Variants in TRPC4AP observed in about 807,000 individuals in gnomAD.
TRPC4AP encodes short transient receptor potential channel 4-associated protein.
A neutral mutation model predicts 99.0 loss-of-function variants in TRPC4AP; 45 were observed. The ratio of observed to expected loss-of-function variants is 0.45; its 90% CI spans 0.36 to 0.58. TRPC4AP has a LOEUF of 0.58. Ranked by LOEUF, TRPC4AP falls within the 20% of genes least tolerant of loss-of-function variation. TRPC4AP has a pLI of 0.00. For synonymous variants in TRPC4AP, 408 were observed against 385.8 expected (o/e 1.06, Z -0.67); for missense variants, 879 against 985.3 (o/e 0.89, Z 1.44).
At chr20:35,024,825 C>CCAAAAAAAAAAAAAAAAAAAA (rs1555904985) in intron 8 of TRPC4AP, among the ~76,000 whole-genome samples, 1 of 35,882 alleles carries the variant, frequency 2.8e-5, no homozygotes, top group African/African-American at 1.1e-4. Context: ...GAGACCGTCT[C>CCAAAAAAAAAAAAAAAAAAAA]AAAAAAAAAA....
At chr20:35,052,987 C>T (rs1199409977) in intron 5 of TRPC4AP, among the ~76,000 whole-genome samples, 1 of 152,034 alleles carries the variant, frequency 6.6e-6, no homozygotes, top group Admixed American at 6.5e-5. Flanking sequence ...TGGAATTCAG[C>T]CAGATAGCAC....
At position 35,068,657 on chromosome 20, in the gene TRPC4AP, G is replaced by A. The variant is rs1375164320; in HGVS notation, c.414+639C>T. ...CTGCCTCAGCCTCCTGAGTAGCTGG[G>A]ATTACAAGTGCCTGCCACCGTGCCC... is the stretch of plus-strand genomic sequence containing the variant. On this transcript the variant is annotated intron_variant, in intron 3 of 18. Coordinates refer to ENST00000252015, the MANE Select transcript of TRPC4AP (RefSeq NM_015638.3). Among the ~76,000 whole-genome samples, 4 of 151,930 alleles carry A rather than the reference G, an allele frequency of 2.6e-5. No individual in the cohort carries two copies. The East Asian group carries it at 7.7e-4, about 29-fold the overall frequency.
intron 11 of TRPC4AP, among the ~76,000 whole-genome samples, chr20:35,011,121 G>C (rs879823885): frequency 6.6e-6 from 1 of 152,124 alleles, no homozygotes; most frequent in African/African-American, 2.4e-5. Flanking sequence ...TTAGCTGGGC[G>C]TGGTGGCACA....
Position 35,006,502 on chromosome 20 carries a change from C to G in TRPC4AP, c.1760G>C (p.Gly587Ala). ...ATCAACGTTGAACTTCATCAGCTCC[C>G]CCAGGAGGTCAAAGTAACTCTGGAG... ...DVLQSYFDLL[G>A]ELMKFNVDAF... is the part of the protein sequence containing the mutation. The change falls in exon 15 of 19, where the codon GGG becomes GCG. Residue 587 changes from glycine (G) to alanine (A), a missense_variant. Physicochemically the swap from Gly to Ala is moderately conservative, Grantham distance 60 (BLOSUM62 0). Transcript: ENST00000252015. 1 of 1,614,192 alleles carries G rather than the reference C, an allele frequency of 6.2e-7. No homozygotes were observed. The highest frequency in any genetic ancestry group is 8.5e-7 in the Non-Finnish European group (1 of 1,180,036).
Position 35,003,048 on chromosome 20 carries a change from G to T in TRPC4AP, c.*98C>A. 6.6e-7 allele frequency: 1 copy of T among 1,523,038 alleles called. No homozygotes were observed. The highest frequency in any genetic ancestry group is 8.9e-7 in the Non-Finnish European group (1 of 1,124,182). 94.3% of individuals were successfully genotyped at this position (1,523,038 alleles called of 1,614,324 possible). ...TGTACCCAAAGACCTGGGGCAGGCA[G>T]AGAGCAGCAGGGAGGAACGGGAACA... On this transcript the variant is annotated 3_prime_UTR_variant, in exon 19 of 19. Transcript: ENST00000252015.
intron 2 of TRPC4AP, among the ~76,000 whole-genome samples, chr20:35,072,478 C>T (rs980360044): frequency 6.6e-6 from 1 of 152,118 alleles, no homozygotes; most frequent in Non-Finnish European, 1.5e-5. Flanking sequence ...AGGAAAGGAT[C>T]CAGTTTCAGC....
At chr20:35,087,976 G>C (rs529807192) in intron 1 of TRPC4AP, among the ~76,000 whole-genome samples, 2 of 152,204 alleles carry the variant, frequency 1.3e-5, no homozygotes, top group African/African-American at 4.8e-5. Context: ...CTAAGTTTGA[G>C]ATGCCCATTA....
At chr20:35,034,721 T>A (rs551126745) in intron 8 of TRPC4AP, among the ~76,000 whole-genome samples, 3 of 152,134 alleles carry the variant, frequency 2.0e-5, no homozygotes, top group African/African-American at 7.2e-5. Flanking sequence ...TCTTATTTAA[T>A]AGGCAGTCTT....
chr20:35,029,127 T>C (rs2083104242), intron 8 of TRPC4AP, among the ~76,000 whole-genome samples: 1 of 152,108 alleles, frequency 6.6e-6, no homozygotes, highest in African/African-American at 2.4e-5. Context: ...GCTCCCCGCC[T>C]GTAATCCCAA....
intron 2 of TRPC4AP, among the ~76,000 whole-genome samples, chr20:35,076,927 C>T (rs898316280): frequency 3.3e-5 from 5 of 152,192 alleles, no homozygotes; most frequent in South Asian, 2.1e-4. Context: ...TCGAGCTTCC[C>T]GGCCGCTTTG....
At position 35,024,825 on chromosome 20, in the gene TRPC4AP, C is replaced by CAAAA. The variant is rs778161091; in HGVS notation, c.1052-3473_1052-3470dup. ...CCTAGGTGACAGAGAGAGACCGTCT[C>CAAAA]AAAAAAAAAAAAAAAAAAAAAAAAA... On this transcript the variant is annotated intron_variant, in intron 8 of 18. Coordinates refer to ENST00000252015, the MANE Select transcript of TRPC4AP (RefSeq NM_015638.3). Among the ~76,000 whole-genome samples, 38 of 35,820 alleles carry CAAAA rather than the reference C, an allele frequency of 1.1e-3. 1 individual carries two copies. Among genetic ancestry groups the CAAAA allele is most frequent in the African/African-American group, 3.4e-3 (30 of 8,710 alleles). The allele number at this position is 35,820 out of a possible 152,430, so 23.5% of individuals were successfully genotyped here. A position where few individuals can be genotyped will look rare whatever the true frequency, so the allele number is the denominator to read the frequency against.
chr20:35,069,164 C>G (rs1421373998), intron 3 of TRPC4AP, 132 bp downstream of exon 3: 3 of 626,756 alleles, frequency 4.8e-6, no homozygotes, highest in Non-Finnish European at 8.6e-6. Context: ...ATGTAAATGC[C>G]GCTAAGCTTC....
intron 5 of TRPC4AP, among the ~76,000 whole-genome samples, chr20:35,054,608 T>A (rs1338477039): frequency 6.6e-6 from 1 of 152,228 alleles, no homozygotes; most frequent in Non-Finnish European, 1.5e-5. Context: ...CTTCTGGTTC[T>A]CATTTTGTTT....
intron 8 of TRPC4AP, among the ~76,000 whole-genome samples, chr20:35,027,410 C>T (rs745714110): frequency 2.6e-5 from 4 of 152,152 alleles, no homozygotes; most frequent in Non-Finnish European, 5.9e-5. Context: ...GGTATACAAT[C>T]CTTGTATGTT....
Position 35,019,949 on chromosome 20 carries a change from C to T in TRPC4AP, c.1218+1241G>A, listed in dbSNP as rs1478457996. On this transcript the variant is annotated intron_variant, in intron 9 of 18. Coordinates refer to ENST00000252015, the MANE Select transcript of TRPC4AP (RefSeq NM_015638.3). ...AATCTACCTTGTACAAAACACAACT[C>T]CCCATCTTCCTCCCTAAGCCTGCTC... Among the ~76,000 whole-genome samples, 4 of 152,092 alleles carry T rather than the reference C, an allele frequency of 2.6e-5. No individual in the cohort carries two copies. The East Asian group carries it at 7.7e-4, about 29-fold the overall frequency.
In TRPC4AP at chr20:35,044,643, C is replaced by T. The variant is rs924658523; in HGVS notation, c.727G>A (p.Ala243Thr). The change falls in exon 7 of 19, where the codon GCT becomes ACT. Residue 243 changes from alanine to threonine, a missense_variant. Transcript: ENST00000252015. ...LVSNFDQQQL[A>T]NFCRILAVTI... ...ACAGCCAGAATCCGGCAGAAATTAG[C>T]GAGCTGCTGCTGATCGAAATTGGAT... 3.7e-6 allele frequency: 6 copies of T among 1,614,002 alleles called. No individual in the cohort carries two copies. The highest frequency in any genetic ancestry group is 2.2e-5 in the East Asian group (1 of 44,882).
intron 1 of TRPC4AP, among the ~76,000 whole-genome samples, chr20:35,091,781 G>C (rs558465162): frequency 7.2e-5 from 11 of 152,116 alleles, no homozygotes; most frequent in Admixed American, 5.9e-4. Context: ...TCAGCCCTTA[G>C]TATGCACCAG....
intron 1 of TRPC4AP, 71 bp downstream of exon 1, chr20:35,092,543 C>CCT: frequency 7.1e-7 from 1 of 1,407,308 alleles, no homozygotes; most frequent in African/African-American, 1.5e-5. Flanking sequence ...CCTGGAAAGG[C>CCT]CTCTTCCCCG....
At chr20:35,034,671 G>C (rs1271153487) in intron 8 of TRPC4AP, among the ~76,000 whole-genome samples, 4 of 152,184 alleles carry the variant, frequency 2.6e-5, no homozygotes, top group African/African-American at 9.6e-5. Flanking sequence ...AGATGGGCCA[G>C]AGTTCTTTAC....
Sources: allele counts gnomAD v4.1 joint callset (sites outside exome capture counted in the v4.1 genomes callset), GRCh38; gene constraint gnomAD v4.1.1; transcripts MANE v1.5; gene names NCBI Gene and HGNC (gene_info 2026-07-23, HGNC 2026-07-21).